MLLT3: variants seen among roughly 807,000 people sequenced by gnomAD.
MLLT3 encodes the protein protein AF-9.
Under a neutral mutation model 53.2 loss-of-function variants are expected in MLLT3, and 4 were observed. That is an observed-to-expected ratio of 0.08 (90% CI 0.04 to 0.17). MLLT3 has a LOEUF of 0.17. MLLT3 is among the 10% of genes least tolerant of loss of function. The pLI is 1.00. For synonymous variants in MLLT3, 283 were observed against 230.6 expected, an observed-to-expected ratio of 1.23 and a Z score of -2.06; for missense variants, 569 against 684.0, an observed-to-expected ratio of 0.83 and a Z score of 1.87.
chr9:20,604,679 C>T (rs3127153), intron 2 of MLLT3, among the ~76,000 whole-genome samples: 146,967 of 152,186 alleles, frequency 0.97, 70,990 homozygotes, highest in East Asian at 1. Context: ...ACTGGCAAAA[C>T]CTACAGCAGC....
intron 2 of MLLT3, among the ~76,000 whole-genome samples, chr9:20,592,120 T>C (rs1820144926): frequency 6.6e-6 from 1 of 152,202 alleles, no homozygotes; most frequent in African/African-American, 2.4e-5. Context: ...ATTCTACCTA[T>C]TCCAATCACA....
intron 2 of MLLT3, among the ~76,000 whole-genome samples, chr9:20,540,742 T>C (rs1443835742): frequency 2.0e-5 from 3 of 152,234 alleles, no homozygotes; most frequent in Admixed American, 2.0e-4. Flanking sequence ...CTGGGGGCAT[T>C]TTCCCTAATG....
intron 2 of MLLT3, among the ~76,000 whole-genome samples, chr9:20,521,156 C>T (rs527832748): frequency 4.3e-4 from 65 of 152,010 alleles, no homozygotes; most frequent in Non-Finnish European, 8.5e-4. Context: ...CTGCAACCTC[C>T]ACCTCCTGAG....
At chr9:20,478,481 T>C (rs533900555) in intron 2 of MLLT3, among the ~76,000 whole-genome samples, 1 of 152,260 alleles carries the variant, frequency 6.6e-6, no homozygotes, top group African/African-American at 2.4e-5. Context: ...AGAACATGGC[T>C]GGTGAACTGC....
chr9:20,598,321 A>T (rs541176777), intron 2 of MLLT3, among the ~76,000 whole-genome samples: 1 of 152,280 alleles, frequency 6.6e-6, no homozygotes, highest in African/African-American at 2.4e-5. Context: ...CCAAACTATA[A>T]CTTATTTAAA....
At chr9:20,578,949 G>C (rs1406901087) in intron 2 of MLLT3, among the ~76,000 whole-genome samples, 1 of 152,032 alleles carries the variant, frequency 6.6e-6, no homozygotes, top group Non-Finnish European at 1.5e-5. Context: ...ACTTTTTCGA[G>C]TAAAGCTACT....
At chr9:20,537,498 T>C (rs1818518294) in intron 2 of MLLT3, among the ~76,000 whole-genome samples, 1 of 152,214 alleles carries the variant, frequency 6.6e-6, no homozygotes, top group African/African-American at 2.4e-5. Flanking sequence ...GTGCATGGTT[T>C]TCCTAATAAA....
intron 2 of MLLT3, among the ~76,000 whole-genome samples, chr9:20,462,027 A>T (rs532839103): frequency 6.6e-6 from 1 of 152,220 alleles, no homozygotes; most frequent in African/African-American, 2.4e-5. Context: ...GGCAAACAAG[A>T]TCCTGTTCAG....
intron 5 of MLLT3, among the ~76,000 whole-genome samples, chr9:20,407,550 T>C (rs1341871338): frequency 6.6e-6 from 1 of 152,156 alleles, no homozygotes; most frequent in African/African-American, 2.4e-5. Context: ...TATTCAAGGC[T>C]TTCCCAGCAG....
chr9:20,457,439 G>C (rs1482115129), intron 2 of MLLT3, among the ~76,000 whole-genome samples: 1 of 151,374 alleles, frequency 6.6e-6, no homozygotes, highest in African/African-American at 2.4e-5. Flanking sequence ...AGTAGAGATG[G>C]GGTTTCTCCA....
chr9:20,592,255 C>G (rs1377148952), intron 2 of MLLT3, among the ~76,000 whole-genome samples: 1 of 152,158 alleles, frequency 6.6e-6, no homozygotes, highest in Non-Finnish European at 1.5e-5. Flanking sequence ...CCAGAATAAC[C>G]TGCTTACCTA....
chr9:20,543,855 G>A (rs1439352295), intron 2 of MLLT3, among the ~76,000 whole-genome samples: 1 of 152,152 alleles, frequency 6.6e-6, no homozygotes, highest in Non-Finnish European at 1.5e-5. Flanking sequence ...TGGAAAAATG[G>A]TGCCAATAGA....
At chr9:20,488,329 T>C (rs1189293000) in intron 2 of MLLT3, among the ~76,000 whole-genome samples, 1 of 152,040 alleles carries the variant, frequency 6.6e-6, no homozygotes, top group African/African-American at 2.4e-5. Flanking sequence ...GACACTGAAC[T>C]GTACACTTAA....
chr9:20,437,190 G>C (rs959353208), intron 4 of MLLT3, among the ~76,000 whole-genome samples: 1 of 151,956 alleles, frequency 6.6e-6, no homozygotes, highest in South Asian at 2.1e-4. Flanking sequence ...AATTTCTATA[G>C]GTGTCACTAT....
At chr9:20,490,860 T>G (rs1824931486) in intron 2 of MLLT3, among the ~76,000 whole-genome samples, 1 of 152,188 alleles carries the variant, frequency 6.6e-6, no homozygotes, top group African/African-American at 2.4e-5. Flanking sequence ...TTAAATAATC[T>G]GCTTAAGAAC....
At chr9:20,599,967 A>G (rs1474574910) in intron 2 of MLLT3, among the ~76,000 whole-genome samples, 2 of 152,094 alleles carry the variant, frequency 1.3e-5, no homozygotes, top group Non-Finnish European at 2.9e-5. Context: ...TACGATGCTA[A>G]CCCAGTGAGT....
At chr9:20,514,328 G>C (rs1328530108) in intron 2 of MLLT3, among the ~76,000 whole-genome samples, 2 of 152,130 alleles carry the variant, frequency 1.3e-5, no homozygotes, top group Admixed American at 6.5e-5. Flanking sequence ...CTCCAATGGA[G>C]AGGTCCTGGG....
intron 2 of MLLT3, among the ~76,000 whole-genome samples, chr9:20,557,730 A>T (rs886662970): frequency 6.6e-6 from 1 of 152,252 alleles, no homozygotes; most frequent in African/African-American, 2.4e-5. Flanking sequence ...ACTGGGGTTA[A>T]GGAAGAGAAA....
intron 5 of MLLT3, among the ~76,000 whole-genome samples, chr9:20,368,767 C>G (rs554010408): frequency 1.3e-5 from 2 of 152,120 alleles, no homozygotes; most frequent in African/African-American, 4.8e-5. Context: ...TTGCCTCTGC[C>G]ACAAAGTATT....
Sources: gnomAD v4.1 joint callset for allele counts (sites outside exome capture counted in the v4.1 genomes callset) on GRCh38, gnomAD v4.1.1 for gene constraint, MANE v1.5 for transcripts, NCBI Gene and HGNC (gene_info 2026-07-23, HGNC 2026-07-21) for gene names.